The following SNRPA variants were observed in gnomAD, a reference collection of about 807,000 sequenced individuals.
The protein encoded by SNRPA is U1 small nuclear ribonucleoprotein A.
SNRPA carries 10 observed loss-of-function variants against 24.5 expected under a neutral mutation model. That is an observed-to-expected ratio of 0.41 (90% CI 0.25 to 0.69). The LOEUF (loss-of-function observed/expected upper bound fraction) is 0.69, where lower values mean the gene tolerates loss of function less well. SNRPA is among the 30% of genes least tolerant of loss of function. SNRPA has a pLI of 0.33. For missense variants in SNRPA, 283 were observed against 394.7 expected, an observed-to-expected ratio of 0.72 and a Z score of 2.40; for synonymous variants, 165 against 148.4, an observed-to-expected ratio of 1.11 and a Z score of -0.81.
intron 3 of SNRPA, among the ~76,000 whole-genome samples, chr19:40,761,458 CTTTTTTTTTT>C (rs200242370): frequency 1.3e-4 from 11 of 85,860 alleles, no homozygotes; most frequent in Non-Finnish European, 1.7e-4. Context: ...TTTTCTTTTT[CTTTTTTTTTT>C]TTTTTTTTTT....
Position 40,765,081 on chromosome 19 carries a change from G to T in SNRPA, c.763G>T (p.Val255Leu). The change falls in exon 6 of 6, where the codon GTA (valine) becomes TTA (leucine). Residue 255 changes from valine to leucine, a missense_variant. By Grantham distance (32) the Val-to-Leu change is conservative. Transcript: ENST00000243563. ...CGCCTTCGTGGAGTTTGACAATGAG[G>T]TACAGGCAGGGGCAGCTCGCGATGC... ...DIAFVEFDNE[V>L]QAGAARDALQ... 1 of 1,593,686 alleles carries T rather than the reference G, an allele frequency of 6.3e-7. No individual in the cohort carries two copies. The highest frequency in any genetic ancestry group is 8.5e-7 in the Non-Finnish European group (1 of 1,171,266).
In SNRPA at chr19:40,762,879, ACT is replaced by A. The variant is rs1407954373; in HGVS notation, c.427-18_427-17del. On this transcript the variant is annotated intron_variant, in intron 3 of 5. Transcript: ENST00000243563. ...CCTCCTGGGGCTGCTGTAACCACGC[ACT>A]CTCCTCCCTCTCTCCACAGGGCATG... The A allele has an allele frequency of 6.2e-7, 1 of 1,608,184 alleles. No homozygotes were observed. Among genetic ancestry groups the A allele is most frequent in the Admixed American group, 1.7e-5 (1 of 59,506 alleles).
intron 1 of SNRPA, among the ~76,000 whole-genome samples, chr19:40,754,590 AGAAGAGCATTC>A (rs535403128): frequency 4.1e-4 from 63 of 152,318 alleles, no homozygotes; most frequent in Non-Finnish European, 7.1e-4. Context: ...ACACTGAGGG[AGAAGAGCATTC>A]TTAACTTGGT....
chr19:40,761,460 T>C (rs1221397547), intron 3 of SNRPA, among the ~76,000 whole-genome samples: 48 of 60,592 alleles, frequency 7.9e-4, no homozygotes, highest in African/African-American at 5.1e-3. Flanking sequence ...TTCTTTTTCT[T>C]TTTTTTTTTT....
intron 3 of SNRPA, among the ~76,000 whole-genome samples, chr19:40,762,032 G>A (rs1599729527): frequency 6.6e-6 from 1 of 152,008 alleles, no homozygotes; most frequent in East Asian, 1.9e-4. Context: ...CTGGATTACT[G>A]TGGGCTCCTG....
At chr19:40,751,551 C>T in intron 1 of SNRPA, 70 bp downstream of exon 1, 1 of 1,111,174 alleles carries the variant, frequency 9.0e-7, no homozygotes, top group Non-Finnish European at 1.4e-6. Context: ...TCCCCTGCAC[C>T]CGCCTCTCTT....
At position 40,763,309 on chromosome 19, in the gene SNRPA, C is replaced by T. The variant is rs551849655; in HGVS notation, c.600+235C>T. ...AGTGGTGCCAGCACCTAGATTGATT[C>T]CATGAGCTATTGAGCGCCTCCTTAC... On this transcript the variant is annotated intron_variant, in intron 4 of 5. Transcript: ENST00000243563. 5.0e-6 allele frequency: 3 copies of T among 594,106 alleles called. No individual in the cohort carries two copies. The East Asian group carries it at 8.3e-5, about 17-fold the overall frequency. 36.8% of individuals were successfully genotyped at this position (594,106 alleles called of 1,614,324 possible). A position where few individuals can be genotyped will look rare whatever the true frequency, so the allele number is the denominator to read the frequency against.
At chr19:40,754,343 A>G (rs1277198866) in intron 1 of SNRPA, among the ~76,000 whole-genome samples, 1 of 147,702 alleles carries the variant, frequency 6.8e-6, no homozygotes, top group Admixed American at 6.8e-5. Context: ...ACTGTGATCC[A>G]CCCGCCTCGG....
chr19:40,756,212 T>TAC (rs2082907880), intron 1 of SNRPA, among the ~76,000 whole-genome samples: 1 of 151,310 alleles, frequency 6.6e-6, no homozygotes, highest in South Asian at 2.1e-4. Context: ...AGGCCTGTAG[T>TAC]AAGCTACCAT....
chr19:40,763,131 G>A, intron 4 of SNRPA, 57 bp downstream of exon 4: 1 of 1,367,650 alleles, frequency 7.3e-7, no homozygotes, highest in Non-Finnish European at 1.0e-6. Context: ...TACAGGACTA[G>A]AAAGGGACCA....
Position 40,759,547 on chromosome 19 carries a change from C to G in SNRPA, c.363C>G (p.Thr121=), listed in dbSNP as rs890984650. Residue 121 remains threonine (T), a synonymous_variant, in exon 3 of 6, where the codon ACC becomes ACG. Transcript: ENST00000243563. ...RKPKSQETPA[T]KKAVQGGGAT... is the part of the protein sequence containing the mutation. ...CCAAGAGCCAGGAGACCCCGGCCAC[C>G]AAGAAGGCTGTGCAAGGCGGGGGAG... The G allele has an allele frequency of 1.3e-5, 21 of 1,614,050 alleles. No homozygotes were observed. Among genetic ancestry groups the G allele is most frequent in the Non-Finnish European group, 1.5e-5 (18 of 1,179,980 alleles).
intron 3 of SNRPA, 84 bp downstream of exon 3, chr19:40,759,694 G>A: frequency 6.3e-6 from 8 of 1,276,242 alleles, no homozygotes; most frequent in Non-Finnish European, 8.6e-6. Flanking sequence ...GGTGGGGAGA[G>A]TTCTCCCCTT....
chr19:40,763,250 T>C (rs953792343), intron 4 of SNRPA, 176 bp downstream of exon 4: 4 of 601,100 alleles, frequency 6.7e-6, no homozygotes, highest in South Asian at 2.0e-5. Flanking sequence ...ATTGGCATGC[T>C]GGTTGGAGGG....
Position 40,763,072 on chromosome 19 carries a change from C to G in SNRPA, c.598C>G (p.Pro200Ala). 6.4e-7 allele frequency: 1 copy of G among 1,561,764 alleles called. No homozygotes were observed. Among genetic ancestry groups the G allele is most frequent in the Non-Finnish European group, 8.7e-7 (1 of 1,154,416 alleles). ...GCCAGGACAGATGCCCCCTGCCCAG[C>G]CTGTGAGTATCTAGTCCCACCCACC... The part of the protein sequence containing the change: ...LMPGQMPPAQ[P>A]LSENPPNHIL... The change falls in exon 4 of 6, where the codon CCT becomes GCT. Residue 200 changes from proline to alanine, a missense_variant and splice_region_variant. This residue lies in a region of SNRPA where 167 missense variants were observed against 174.3 expected (regional missense o/e 0.96). Coordinates refer to ENST00000243563, the MANE Select transcript of SNRPA (RefSeq NM_004596.5).
At chr19:40,751,588 GAGT>G in intron 1 of SNRPA, 107 bp downstream of exon 1, 1 of 843,772 alleles carries the variant, frequency 1.2e-6, no homozygotes, top group Non-Finnish European at 2.1e-6. Context: ...GCCAAACTTC[GAGT>G]TAACTCCTTG....
In SNRPA at chr19:40,765,250, C is replaced by A; in HGVS notation, c.*83C>A. The A allele has an allele frequency of 1.0e-6, 1 of 999,202 alleles. No individual in the cohort carries two copies. The highest frequency in any genetic ancestry group is 1.4e-6 in the Non-Finnish European group (1 of 725,786). 61.9% of individuals were successfully genotyped at this position (999,202 alleles called of 1,614,324 possible). On this transcript the variant is annotated 3_prime_UTR_variant, in exon 6 of 6. Transcript: ENST00000243563. ...TGGCTCAGCCCCCTGAAGGTAAGTCCCCCCTTGGGGGCCTTCTTGGAGCCG... is the reference window on the plus strand; with the variant it reads ...TGGCTCAGCCCCCTGAAGGTAAGTCACCCCTTGGGGGCCTTCTTGGAGCCG...
At chr19:40,763,297 C>T (rs539012660) in intron 4 of SNRPA, 8 of 594,512 alleles carry the variant, frequency 1.3e-5, no homozygotes, top group Non-Finnish European at 2.4e-5. Context: ...GGTGCCAGCA[C>T]CTAGATTGAT....
chr19:40,757,579 AG>A, intron 2 of SNRPA, 75 bp downstream of exon 2: 1 of 1,372,844 alleles, frequency 7.3e-7, no homozygotes, highest in Non-Finnish European at 1.0e-6. Context: ...GGATTAGAGG[AG>A]GGGATATTAC....
chr19:40,761,458 C>CTTTTTTTTTTTTTTTTT (rs200242370), intron 3 of SNRPA, among the ~76,000 whole-genome samples: 84 of 85,872 alleles, frequency 9.8e-4, no homozygotes, highest in East Asian at 1.4e-3. Flanking sequence ...TTTTCTTTTT[C>CTTTTTTTTTTTTTTTTT]TTTTTTTTTT....
Sources: allele counts gnomAD v4.1 joint callset (sites outside exome capture counted in the v4.1 genomes callset), GRCh38; gene constraint gnomAD v4.1.1; regional missense constraint gnomAD v4.1.1; transcripts MANE v1.5; gene names NCBI Gene and HGNC (gene_info 2026-07-23, HGNC 2026-07-21).